The following PDLIM2 variants were observed in gnomAD, a reference collection of about 807,000 sequenced individuals.
PDLIM2 encodes the protein PDZ and LIM domain protein 2.
A neutral mutation model predicts 54.1 loss-of-function variants in PDLIM2; 51 were observed. The ratio of observed to expected loss-of-function variants is 0.94; its 90% CI spans 0.75 to 1.19. PDLIM2 has a LOEUF of 1.19. Ranked by LOEUF, PDLIM2 falls within the 50% of genes most tolerant of loss-of-function variation. The pLI is 0.00. For missense variants in PDLIM2, 912 were observed against 874.0 expected (o/e 1.04, Z -0.55); for synonymous variants, 398 against 385.6 (o/e 1.03, Z -0.38).
Position 22,589,778 on chromosome 8 carries a change from C to T in PDLIM2, c.1513+37C>T, listed in dbSNP as rs770923769. The T allele has an allele frequency of 1.5e-5, 24 of 1,551,298 alleles. No homozygotes were observed. In the South Asian group the frequency reaches 2.9e-4, roughly 18 times the overall value. ...GGGGGCTGGGGAGGGGAAGGAGGTT[C>T]CCTTCCGTACCCCGGGCCCTGACTG... On this transcript the variant is annotated intron_variant, in intron 8 of 9. Transcript: ENST00000308354.
chr8:22,591,787 C>G, intron 9 of PDLIM2, 119 bp downstream of exon 8: 1 of 908,146 alleles, frequency 1.1e-6, no homozygotes, highest in Non-Finnish European at 1.7e-6. Flanking sequence ...GGTACCCAGT[C>G]GGGGACTCTA....
intron 2 of PDLIM2, 31 bp downstream of exon 1, chr8:22,580,728 G>A (rs759702337): frequency 2.7e-5 from 43 of 1,608,782 alleles, no homozygotes; most frequent in African/African-American, 9.4e-5. Context: ...AGATGAGAAG[G>A]TCCTGCCAGA....
At chr8:22,594,048 T>G in exon 10 of PDLIM2, 1 of 1,449,534 alleles carries the variant, frequency 6.9e-7, no homozygotes. Context: ...CCTCGCTGGG[T>G]GGGCCAAGGT....
chr8:22,589,040 C>T (rs990969041), intron 6 of PDLIM2: 9 of 573,594 alleles, frequency 1.6e-5, no homozygotes, highest in Admixed American at 6.3e-5. Flanking sequence ...CCCGGCAGAA[C>T]CCGCATGCCT....
Position 22,593,436 on chromosome 8 carries a change from G to A in PDLIM2, c.1632-297G>A, listed in dbSNP as rs138066896. The A allele has an allele frequency of 1.9e-3, 672 of 355,254 alleles. 2 individuals are homozygous for A. The highest frequency in any genetic ancestry group is 0.013 in the African/African-American group (632 of 47,404). 22.0% of individuals were successfully genotyped at this position (355,254 alleles called of 1,614,324 possible). On this transcript the variant is annotated intron_variant, in intron 9 of 9. Transcript: ENST00000308354. The stretch of plus-strand genomic sequence containing the variant: ...ACTAAAAATACAAAAACTTAGCCAG[G>A]TGTGGTCGCACATGCTTGTAATCCC...
At chr8:22,594,554 A>AT, downstream of PDLIM2, 1 of 1,613,906 alleles carries the variant, frequency 6.2e-7, no homozygotes, top group South Asian at 1.1e-5. Context: ...TATGGAGGGA[A>AT]TGAGATTGTC....
chr8:22,586,943 T>C (rs758986360), intron 6 of PDLIM2, among the ~76,000 whole-genome samples: 19 of 152,148 alleles, frequency 1.2e-4, no homozygotes, highest in Non-Finnish European at 2.2e-4. Context: ...GGAGACTCAC[T>C]TGGGTCGGTC....
At chr8:22,578,789 G>C in exon 1 of PDLIM2, 1 of 1,234,276 alleles carries the variant, frequency 8.1e-7, no homozygotes, top group South Asian at 4.1e-5. Context: ...GATGCGGGGC[G>C]GGAGAGCGCG....
At chr8:22,589,605 G>A (rs1398828492) in exon 8 of PDLIM2, 8 of 1,602,588 alleles carry the variant, frequency 5.0e-6, no homozygotes, top group Admixed American at 1.7e-5. Flanking sequence ...GCATGGACTC[G>A]GAAGGGGGAA....
chr8:22,588,397 G>A (rs999157048), intron 6 of PDLIM2: 2 of 152,258 alleles, frequency 1.3e-5, no homozygotes, highest in African/African-American at 4.8e-5. Flanking sequence ...AGAGAAGTTG[G>A]CTTCCCAGGA....
exon 7 of PDLIM2, chr8:22,589,359 G>A (rs930549000): frequency 3.3e-6 from 5 of 1,534,726 alleles, no homozygotes; most frequent in African/African-American, 2.7e-5. Flanking sequence ...CCGGGCCCTC[G>A]TTCCTCCAGG....
downstream of PDLIM2, chr8:22,596,833 T>G (rs757172757): frequency 2.6e-5 from 4 of 152,240 alleles, no homozygotes; most frequent in Non-Finnish European, 5.9e-5. Flanking sequence ...AGATAGGTAC[T>G]GTTACCATCC....
chr8:22,581,612 A>T, intron 3 of PDLIM2, 82 bp downstream of exon 2: 8 of 1,476,236 alleles, frequency 5.4e-6, no homozygotes, highest in Non-Finnish European at 7.2e-6. Flanking sequence ...GCTCCTGCCC[A>T]TGGGCTAGAG....
chr8:22,585,159 G>A lies in PDLIM2; in HGVS notation c.1208G>A (p.Arg403His), dbSNP rs377214830. 27 of 1,613,006 alleles carry A rather than the reference G, an allele frequency of 1.7e-5. No homozygotes were observed. The highest frequency in any genetic ancestry group is 6.7e-5 in the East Asian group (3 of 44,880). The change falls in exon 5 of 10, where the codon CGC becomes CAC. Residue 403 changes from arginine to histidine, a missense_variant. Physicochemically the swap from Arg to His is conservative, Grantham distance 29. Coordinates refer to ENST00000308354, the Ensembl canonical transcript of PDLIM2. ...CTCACTGGAGAGGCAGCCATCAGCC[G>A]CAGGTGAGTGTGCCTGTGAGTGGGT... is the stretch of plus-strand genomic sequence containing the variant.
At chr8:22,591,490 T>C in intron 8 of PDLIM2, 61 bp from the exon 8 acceptor site, 1 of 1,472,820 alleles carries the variant, frequency 6.8e-7, no homozygotes, top group Middle Eastern at 1.7e-4. Flanking sequence ...CCTCAGAGCA[T>C]CTTTGGGAGG....
intron 3 of PDLIM2, among the ~76,000 whole-genome samples, chr8:22,582,392 T>A (rs1390285212): frequency 6.6e-6 from 1 of 151,982 alleles, no homozygotes. Context: ...AGAGAGCACC[T>A]CATGGCATCT....
chr8:22,579,297 C>T, exon 1 of PDLIM2: 1 of 1,386,902 alleles, frequency 7.2e-7, no homozygotes, highest in Non-Finnish European at 9.3e-7. Context: ...GCGCCCCTGT[C>T]GGCGCGGAAC....
chr8:22,589,555 C>T (rs111547565), intron 7 of PDLIM2, 41 bp from the exon 7 acceptor site: 129 of 1,583,310 alleles, frequency 8.1e-5, no homozygotes, highest in East Asian at 4.4e-4. Flanking sequence ...GCCTAAGCTC[C>T]GGCACGGGAC....
In PDLIM2 at chr8:22,585,563, T is replaced by C. The variant is rs79205017; in HGVS notation, c.1290+164T>C. 2,469 of 564,484 alleles carry C rather than the reference T, an allele frequency of 4.4e-3. 82 individuals carry two copies. The East Asian group carries it at 0.082, about 19-fold the overall frequency. The allele number at this position is 564,484 out of a possible 1,614,324, so 35.0% of individuals were successfully genotyped here. ...TGCTCCTGAGCCAGGGAGGCCATGC[T>C]TCTGGTCGTGGGCCACCTGTGCTGT... On this transcript the variant is annotated intron_variant, in intron 6 of 9. Coordinates refer to ENST00000308354, the Ensembl canonical transcript of PDLIM2.
Sources: gnomAD v4.1 joint callset for allele counts (sites outside exome capture counted in the v4.1 genomes callset) on GRCh38, gnomAD v4.1.1 for gene constraint, MANE v1.5 for transcripts, NCBI Gene and HGNC (gene_info 2026-07-23, HGNC 2026-07-21) for gene names.